TDRD15: variants seen among roughly 807,000 people sequenced by gnomAD.
The protein encoded by TDRD15 is tudor domain containing 15, also known as tudor domain-containing protein 15.
For missense variants in TDRD15, 1,416 were observed against 904.7 expected, an observed-to-expected ratio of 1.57 and a Z score of -7.25; for synonymous variants, 503 against 314.5, an observed-to-expected ratio of 1.60 and a Z score of -6.34.
chr2:21,133,646 T>TA, intron 2 of TDRD15, among the ~76,000 whole-genome samples: 1 of 152,230 alleles, frequency 6.6e-6, no homozygotes, highest in Admixed American at 6.5e-5. Context: ...CTAAAACCTT[T>TA]AAAAAATTTA....
downstream of TDRD15, among the ~76,000 whole-genome samples, chr2:21,147,108 A>C (rs1026344694): frequency 6.6e-6 from 1 of 152,120 alleles, no homozygotes; most frequent in Non-Finnish European, 1.5e-5. Context: ...AACTGTTAGA[A>C]ATATAATCAT....
Position 21,143,924 on chromosome 2 carries a change from A to C in TDRD15, c.*652A>C, listed in dbSNP as rs962143941. 2.0e-5 allele frequency among the ~76,000 whole-genome samples: 3 copies of C among 151,760 alleles called. No homozygotes were observed. The highest frequency in any genetic ancestry group is 3.0e-5 in the Non-Finnish European group (2 of 67,748). On this transcript the variant is annotated 3_prime_UTR_variant, in exon 4 of 4. Coordinates refer to ENST00000405799, the MANE Select transcript of TDRD15 (RefSeq NM_001306137.2). ...AGTGAAAGATTTTAACCACACATGC[A>C]TGCACACACGCATGACGTTTCACAA...
At chr2:21,134,516 ACAT>A (rs1665772839) in intron 2 of TDRD15, among the ~76,000 whole-genome samples, 1 of 151,998 alleles carries the variant, frequency 6.6e-6, no homozygotes, top group Non-Finnish European at 1.5e-5. Context: ...GTGCTATCAA[ACAT>A]CATAATAAGT....
chr2:21,141,256 T>G lies in TDRD15; in HGVS notation c.3789T>G (p.Phe1263Leu), dbSNP rs1197461208. ...QKSVKVVSQS[F>L]IRALNQTTSQ... ...CAGTAAAGGTTGTATCACAGTCTTT[T>G]ATCAGAGCATTAAATCAAACAACCT... The change falls in exon 4 of 4, where the codon TTT (phenylalanine) becomes TTG (leucine). Residue 1263 changes from phenylalanine (F) to leucine (L), a missense_variant. Physicochemically the swap from Phe to Leu is conservative, Grantham distance 22. Coordinates refer to ENST00000405799, the MANE Select transcript of TDRD15 (RefSeq NM_001306137.2). 1.4e-6 allele frequency: 1 copy of G among 712,602 alleles called. No homozygotes were observed. The highest frequency in any genetic ancestry group is 2.0e-5 in the Admixed American group (1 of 49,126). The allele number at this position is 712,602 out of a possible 1,614,324, so 44.1% of individuals were successfully genotyped here.
chr2:21,135,652 G>A (rs1024805553), intron 3 of TDRD15, among the ~76,000 whole-genome samples: 1 of 151,912 alleles, frequency 6.6e-6, no homozygotes, highest in Non-Finnish European at 1.5e-5. Flanking sequence ...GTAATGGTAG[G>A]TCTTTCTACT....
rs1340248010 is a variant in TDRD15 at position 21,141,410 on chromosome 2, G to T, written c.3943G>T (p.Ala1315Ser). 8.4e-6 allele frequency: 6 copies of T among 713,136 alleles called. No homozygotes were observed. The highest frequency in any genetic ancestry group is 7.0e-5 in the African/African-American group (4 of 57,014). The allele number at this position is 713,136 out of a possible 1,614,324, so 44.2% of individuals were successfully genotyped here. ...SNPANFHIQL[A>S]ENESVIIRLA... The stretch of plus-strand genomic sequence containing the variant: ...TCCAGCGAATTTCCATATTCAGCTT[G>T]CTGAGAATGAAAGTGTAATTATCAG... The change falls in exon 4 of 4, where the codon GCT (alanine) becomes TCT (serine). Residue 1315 changes from alanine to serine, a missense_variant. By Grantham distance (99) the Ala-to-Ser change is moderately conservative (BLOSUM62 1). Coordinates refer to ENST00000405799, the MANE Select transcript of TDRD15 (RefSeq NM_001306137.2).
At chr2:21,146,500 T>G (rs1038004421), downstream of TDRD15, among the ~76,000 whole-genome samples, 1 of 152,054 alleles carries the variant, frequency 6.6e-6, no homozygotes, top group African/African-American at 2.4e-5. Context: ...TGTTTTTGTT[T>G]TTTAAAATCA....
At position 21,141,706 on chromosome 2, in the gene TDRD15, A is replaced by G. The variant is rs1437028003; in HGVS notation, c.4239A>G (p.Val1413=). The G allele has an allele frequency of 7.0e-6, 5 of 715,334 alleles. No individual in the cohort carries two copies. The highest frequency in any genetic ancestry group is 1.3e-5 in the Non-Finnish European group (5 of 383,644). The allele number at this position is 715,334 out of a possible 1,614,324, so 44.3% of individuals were successfully genotyped here. Reference sequence around the variant, plus strand: ...GAATCCATGCTTTTCTTAGTGGAGTAAAATGGAATGAGCCTGATGAAATAT... The same window carrying G: ...GAATCCATGCTTTTCTTAGTGGAGTGAAATGGAATGAGCCTGATGAAATAT... ...QLGIHAFLSG[V]KWNEPDEIWD... The change falls in exon 4 of 4, where the codon GTA becomes GTG. Residue 1413 remains valine, a synonymous_variant. Transcript: ENST00000405799.
intron 1 of TDRD15, among the ~76,000 whole-genome samples, chr2:21,124,967 G>C (rs1665554835): frequency 6.7e-6 from 1 of 149,046 alleles, no homozygotes; most frequent in South Asian, 2.2e-4. Context: ...GTGTGAGCAT[G>C]ACTGAGAGAT....
intron 2 of TDRD15, among the ~76,000 whole-genome samples, chr2:21,132,244 A>G (rs1665733171): frequency 6.6e-6 from 1 of 152,158 alleles, no homozygotes; most frequent in Admixed American, 6.5e-5. Context: ...GGTGATGGTT[A>G]GCTCTGTCGG....
rs1359653055 is a variant in TDRD15 at position 21,141,206 on chromosome 2, G to A, written c.3739G>A (p.Glu1247Lys). ...KIVPGAAHILENRRVGQKSVK... is the reference protein window; with the variant it reads ...KIVPGAAHILKNRRVGQKSVK... ...TGTCCCTGGAGCTGCACATATTCTT[G>A]AGAACAGGCGTGTGGGCCAAAAATC... The change falls in exon 4 of 4, where the codon GAG becomes AAG. Residue 1247 changes from glutamate to lysine, a missense_variant. Physicochemically the swap from Glu to Lys is moderately conservative, Grantham distance 56 (BLOSUM62 1). Coordinates refer to ENST00000405799, the MANE Select transcript of TDRD15 (RefSeq NM_001306137.2). 1 of 714,396 alleles carries A rather than the reference G, an allele frequency of 1.4e-6. No homozygotes were observed. Among genetic ancestry groups the A allele is most frequent in the Non-Finnish European group, 2.6e-6 (1 of 383,636 alleles). The allele number at this position is 714,396 out of a possible 1,614,324, so 44.3% of individuals were successfully genotyped here. A position where few individuals can be genotyped will look rare whatever the true frequency, so the allele number is the denominator to read the frequency against.
downstream of TDRD15, among the ~76,000 whole-genome samples, chr2:21,145,727 G>A (rs963413329): frequency 1.3e-5 from 2 of 151,782 alleles, no homozygotes; most frequent in African/African-American, 4.8e-5. Context: ...AAAAATAACT[G>A]GTTTTTATTG....
chr2:21,139,192 AT>A lies in TDRD15; in HGVS notation c.1731del (p.Phe577LeufsTer3). On this transcript the variant is annotated frameshift_variant, in exon 4 of 4. Transcript: ENST00000405799. LOFTEE classifies it low-confidence loss of function (END_TRUNC). Reference protein sequence around the residue: ...LDYGNTDSIPFFDVKILLPEF... With the variant: ...LDYGNTDSIPXFDVKILLPEF... ...ATTATGGTAATACTGATTCCATACC[AT>A]TTTTTGATGTAAAAATTTTGCTTCC... 2 of 714,912 alleles carry A rather than the reference AT, an allele frequency of 2.8e-6. No homozygotes were observed. The highest frequency in any genetic ancestry group is 2.6e-6 in the Non-Finnish European group (1 of 383,890). The allele number at this position is 714,912 out of a possible 1,614,324, so 44.3% of individuals were successfully genotyped here.
At chr2:21,129,219 T>G (rs1204500154) in intron 2 of TDRD15, among the ~76,000 whole-genome samples, 2 of 152,206 alleles carry the variant, frequency 1.3e-5, no homozygotes. Context: ...AATTTTTGTG[T>G]GGATGTGTTT....
downstream of TDRD15, among the ~76,000 whole-genome samples, chr2:21,145,103 A>G (rs1249753940): frequency 1.3e-5 from 2 of 151,940 alleles, no homozygotes; most frequent in Non-Finnish European, 2.9e-5. Context: ...ATGCTAGGAG[A>G]GTGCCCCACC....
chr2:21,143,562 C>T lies in TDRD15; in HGVS notation c.*290C>T, dbSNP rs1048824928. Among the ~76,000 whole-genome samples, 15 of 151,298 alleles carry T rather than the reference C, an allele frequency of 9.9e-5. No homozygotes were observed. The highest frequency in any genetic ancestry group is 2.6e-4 in the Admixed American group (4 of 15,126). On this transcript the variant is annotated 3_prime_UTR_variant, in exon 4 of 4. Coordinates refer to ENST00000405799, the MANE Select transcript of TDRD15 (RefSeq NM_001306137.2). ...CTGATGGTTTGAAGAACAGCAGTCA[C>T]GTTGAAGACATTTTTGAAAAACTAC...
intron 3 of TDRD15, among the ~76,000 whole-genome samples, chr2:21,135,160 A>G (rs908398213): frequency 2.7e-5 from 4 of 146,810 alleles, no homozygotes; most frequent in African/African-American, 9.9e-5. Flanking sequence ...TATATTTTAT[A>G]TATAAGATAT....
chr2:21,131,312 A>C (rs931894080), intron 2 of TDRD15, among the ~76,000 whole-genome samples: 2 of 152,200 alleles, frequency 1.3e-5, no homozygotes, highest in Non-Finnish European at 2.9e-5. Flanking sequence ...AATATTTTCA[A>C]ATTAATCCAT....
rs1180752768 is a variant in TDRD15, at chr2:21,131,467, AGTT to A, written c.-89-3289_-89-3287del. Among the ~76,000 whole-genome samples, 4 of 152,320 alleles carry A rather than the reference AGTT, an allele frequency of 2.6e-5. No individual in the cohort carries two copies. The East Asian group carries it at 5.8e-4, about 22-fold the overall frequency. On this transcript the variant is annotated intron_variant, in intron 2 of 3. Coordinates refer to ENST00000405799, the MANE Select transcript of TDRD15 (RefSeq NM_001306137.2). ...ACTTCGAAGAAACTACTACTCATTGAGTTGTTGTGCATATCAAAGAACGTCTTC... is the reference window on the plus strand; with the variant it reads ...ACTTCGAAGAAACTACTACTCATTGAGTTGTGCATATCAAAGAACGTCTTC...
Sources: gnomAD v4.1 joint callset for allele counts (sites outside exome capture counted in the v4.1 genomes callset) on GRCh38, gnomAD v4.1.1 for gene constraint, MANE v1.5 for transcripts, NCBI Gene and HGNC (gene_info 2026-07-23, HGNC 2026-07-21) for gene names.